GCNT2: variants seen among roughly 807,000 people sequenced by gnomAD.
GCNT2 encodes the protein N-acetyllactosaminide beta-1,6-N-acetylglucosaminyl-transferase.
A neutral mutation model predicts 34.2 loss-of-function variants in GCNT2; 34 were observed. The ratio of observed to expected loss-of-function variants is 1.00; its 90% CI spans 0.76 to 1.32. GCNT2 has a LOEUF of 1.32. GCNT2 is among the 40% of genes most tolerant of loss of function. GCNT2 has a pLI of 0.00. For missense variants in GCNT2, 584 were observed against 489.4 expected (o/e 1.19, Z -1.82); for synonymous variants, 212 against 188.0 (o/e 1.13, Z -1.04).
chr6:10,546,050 C>T (rs570645), intron 3 of GCNT2, among the ~76,000 whole-genome samples: 20,902 of 152,030 alleles, frequency 0.14, 1,756 homozygotes, highest in African/African-American at 0.24. Flanking sequence ...ATTCCTGTAA[C>T]GGCAGCCTCT....
At chr6:10,581,769 C>G (rs1282485449) in intron 3 of GCNT2, 1 of 985,158 alleles carries the variant, frequency 1.0e-6, no homozygotes, top group Non-Finnish European at 1.2e-6. Context: ...AATAGAAGAC[C>G]TTTGCCTCTC....
intron 3 of GCNT2, among the ~76,000 whole-genome samples, chr6:10,571,054 G>A (rs892719203): frequency 3.3e-5 from 5 of 152,242 alleles, no homozygotes; most frequent in African/African-American, 7.2e-5. Flanking sequence ...AACCACAAGC[G>A]GCCTTAGAGA....
At chr6:10,624,368 C>T (rs960930920) in intron 4 of GCNT2, among the ~76,000 whole-genome samples, 2 of 152,136 alleles carry the variant, frequency 1.3e-5, no homozygotes, top group African/African-American at 4.8e-5. Context: ...GCAGGAAAAA[C>T]AGAATGAGAG....
chr6:10,523,500 G>C (rs796112), intron 1 of GCNT2, among the ~76,000 whole-genome samples: 11,507 of 147,492 alleles, frequency 0.078, 493 homozygotes, highest in Middle Eastern at 0.13. Flanking sequence ...GCTATTTTTT[G>C]TTAAACGATC....
Position 10,529,115 on chromosome 6 carries a change from C to T in GCNT2, c.204C>T (p.Thr68=), listed in dbSNP as rs763587093. The T allele has an allele frequency of 3.1e-6, 5 of 1,613,934 alleles. No homozygotes were observed. The highest frequency in any genetic ancestry group is 1.7e-5 in the Admixed American group (1 of 59,996). ...CAACAGAAAATGCATTGAAAACTAC[C>T]CTTGATGAAGCTACCTGCTATGAGT... The part of the protein sequence containing the change: ...FYPTENALKT[T]LDEATCYEYM... The change falls in exon 3 of 5, where the codon ACC becomes ACT. Residue 68 remains threonine (T), a synonymous_variant. Coordinates refer to ENST00000495262, the MANE Select transcript of GCNT2 (RefSeq NM_145649.5).
At position 10,627,921 on chromosome 6, in the gene GCNT2, C is replaced by T. The variant is rs886060908; in HGVS notation, c.*1314C>T. The T allele has an allele frequency of 6.5e-6, 1 of 152,702 alleles. No homozygotes were observed. Among genetic ancestry groups the T allele is most frequent in the East Asian group, 1.9e-4 (1 of 5,190 alleles). 9.5% of individuals were successfully genotyped at this position (152,702 alleles called of 1,614,324 possible). A position where few individuals can be genotyped will look rare whatever the true frequency, so the allele number is the denominator to read the frequency against. On this transcript the variant is annotated 3_prime_UTR_variant, in exon 5 of 5. Transcript: ENST00000495262. ...GAGGACCTGTTGTGTTCCAGCCATT[C>T]TGGTATTCCTTTATGTATCTAATTT...
At chr6:10,572,910 A>G (rs966452426) in intron 3 of GCNT2, among the ~76,000 whole-genome samples, 5 of 152,214 alleles carry the variant, frequency 3.3e-5, no homozygotes, top group Admixed American at 6.5e-5. Context: ...CTAGGAAAGC[A>G]GAAGAAACGT....
chr6:10,585,061 G>A, intron 3 of GCNT2, among the ~76,000 whole-genome samples: 1 of 139,882 alleles, frequency 7.1e-6, no homozygotes, highest in East Asian at 1.9e-4. Context: ...GTGTGTGTGT[G>A]TGTGTGTGTG....
At chr6:10,617,240 C>T (rs1444407863) in intron 3 of GCNT2, among the ~76,000 whole-genome samples, 1 of 152,230 alleles carries the variant, frequency 6.6e-6, no homozygotes, top group Non-Finnish European at 1.5e-5. Context: ...AGAAATCCAG[C>T]ACAGCAGCTG....
intron 3 of GCNT2, among the ~76,000 whole-genome samples, chr6:10,548,499 C>T (rs988555795): frequency 6.6e-6 from 1 of 152,214 alleles, no homozygotes; most frequent in African/African-American, 2.4e-5. Context: ...CAGCTATCAG[C>T]GTCATCACTC....
intron 1 of GCNT2, among the ~76,000 whole-genome samples, chr6:10,526,397 G>A (rs914416572): frequency 2.6e-5 from 4 of 152,086 alleles, no homozygotes; most frequent in South Asian, 2.1e-4. Flanking sequence ...GTTGGCTGCC[G>A]TCTCAATGTG....
intron 3 of GCNT2, among the ~76,000 whole-genome samples, chr6:10,552,449 CG>C (rs1340079061): frequency 1.3e-5 from 2 of 151,578 alleles, no homozygotes; most frequent in African/African-American, 4.8e-5. Context: ...CGACCTTGGG[CG>C]GGGGAAAAAG....
intron 3 of GCNT2, among the ~76,000 whole-genome samples, chr6:10,563,770 AAAAAAAAAT>A (rs1479011540): frequency 7.0e-3 from 529 of 75,176 alleles, no homozygotes; most frequent in African/African-American, 8.2e-3. Flanking sequence ...AAAAAAAAAA[AAAAAAAAAT>A]ATATATATAT....
chr6:10,536,935 T>C (rs1004492040), intron 3 of GCNT2, among the ~76,000 whole-genome samples: 7 of 151,782 alleles, frequency 4.6e-5, no homozygotes, highest in African/African-American at 1.7e-4. Flanking sequence ...CTGGCTAATT[T>C]TTGCCTCTTT....
intron 3 of GCNT2, chr6:10,557,209 T>C (rs1398653530): frequency 6.4e-7 from 1 of 1,572,040 alleles, no homozygotes; most frequent in Non-Finnish European, 8.6e-7. Flanking sequence ...ACTTTGGCTC[T>C]GCCTATGTGG....
chr6:10,541,634 A>C (rs1407720668), intron 3 of GCNT2, among the ~76,000 whole-genome samples: 1 of 152,202 alleles, frequency 6.6e-6, no homozygotes, highest in Non-Finnish European at 1.5e-5. Flanking sequence ...CTGTGATTTA[A>C]AATATTCAGA....
At position 10,626,488 on chromosome 6, in the gene GCNT2, T is replaced by A; in HGVS notation, c.1090T>A (p.Phe364Ile). 6.2e-7 allele frequency: 1 copy of A among 1,613,632 alleles called. No homozygotes were observed. Among genetic ancestry groups the A allele is most frequent in the East Asian group, 2.2e-5 (1 of 44,896 alleles). The change falls in exon 5 of 5, where the codon TTT becomes ATT. Residue 364 changes from phenylalanine (F) to isoleucine (I), a missense_variant. Transcript: ENST00000495262. ...GTGGCTGGTTAATTCACCAAGCCTG[T>A]TTGCTAACAAGTTTGAGCTTAATAC... Reference protein sequence around the residue: ...LKWLVNSPSLFANKFELNTYP... With the variant: ...LKWLVNSPSLIANKFELNTYP...
At chr6:10,579,158 G>A (rs1763956921) in intron 3 of GCNT2, among the ~76,000 whole-genome samples, 2 of 151,934 alleles carry the variant, frequency 1.3e-5, no homozygotes, top group South Asian at 4.2e-4. Flanking sequence ...TTTCTCTTTG[G>A]TTATTTACCT....
chr6:10,614,247 A>C (rs1230655641), intron 3 of GCNT2, among the ~76,000 whole-genome samples: 2 of 152,166 alleles, frequency 1.3e-5, no homozygotes, highest in East Asian at 3.9e-4. Flanking sequence ...AAGTTGAACC[A>C]AGCAGGACAG....
Sources: allele counts gnomAD v4.1 joint callset (sites outside exome capture counted in the v4.1 genomes callset), GRCh38; gene constraint gnomAD v4.1.1; transcripts MANE v1.5; gene names NCBI Gene and HGNC (gene_info 2026-07-23, HGNC 2026-07-21).